The following FYB1 variants were observed in gnomAD, a reference collection of about 807,000 sequenced individuals.
FYB1 encodes the protein FYN binding protein 1.
A neutral mutation model predicts 94.1 loss-of-function variants in FYB1; 41 were observed. The ratio of observed to expected loss-of-function variants is 0.44; its 90% CI spans 0.34 to 0.57. The LOEUF is 0.57. Ranked by LOEUF, FYB1 falls within the 20% of genes least tolerant of loss-of-function variation. The probability of loss-of-function intolerance (pLI) is 0.02; values close to 1 mark genes in which losing one functional copy is unlikely to be tolerated. For synonymous variants in FYB1, 367 were observed against 353.2 expected (o/e 1.04, Z -0.44); for missense variants, 1,050 against 976.8 (o/e 1.07, Z -1.00).
chr5:39,242,800 T>A (rs1295256365), intron 1 of FYB1, among the ~76,000 whole-genome samples: 4 of 152,296 alleles, frequency 2.6e-5, no homozygotes, highest in African/African-American at 4.8e-5. Flanking sequence ...CTCCAGCACC[T>A]GCTGTTTCCT....
At chr5:39,110,934 T>A in intron 16 of FYB1, 1 of 167,748 alleles carries the variant, frequency 6.0e-6, no homozygotes, top group Non-Finnish European at 1.3e-5. Flanking sequence ...TTACTCTGTA[T>A]GGAAGAAATT....
chr5:39,139,110 GA>G, intron 5 of FYB1, 122 bp downstream of exon 5: 2 of 1,041,578 alleles, frequency 1.9e-6, no homozygotes, highest in Non-Finnish European at 2.7e-6. Flanking sequence ...ATTAGAAATG[GA>G]AAAATATCAT....
At chr5:39,149,416 C>T (rs1743052325) in intron 3 of FYB1, among the ~76,000 whole-genome samples, 1 of 152,206 alleles carries the variant, frequency 6.6e-6, no homozygotes. Flanking sequence ...TGCTTGGCTC[C>T]TGCAATTCTC....
At chr5:39,243,404 T>C (rs1751311021) in intron 1 of FYB1, among the ~76,000 whole-genome samples, 1 of 151,692 alleles carries the variant, frequency 6.6e-6, no homozygotes, top group Non-Finnish European at 1.5e-5. Context: ...GGGAATGCTT[T>C]CCCCATTTCT....
upstream of FYB1, among the ~76,000 whole-genome samples, chr5:39,224,442 C>A (rs1750389888): frequency 6.6e-6 from 1 of 152,162 alleles, no homozygotes; most frequent in African/African-American, 2.4e-5. Flanking sequence ...GCAGATGAAG[C>A]TCTGAGGAGT....
intron 1 of FYB1, among the ~76,000 whole-genome samples, chr5:39,248,894 T>A (rs1205495158): frequency 6.6e-6 from 1 of 152,228 alleles, no homozygotes; most frequent in African/African-American, 2.4e-5. Flanking sequence ...AAGATACCAT[T>A]GGTGACAGTC....
At chr5:39,170,367 A>G in intron 2 of FYB1, 1 of 929,380 alleles carries the variant, frequency 1.1e-6, no homozygotes, top group Non-Finnish European at 1.6e-6. Context: ...GGCAAACCTG[A>G]GGACTCTGGG....
intron 1 of FYB1, among the ~76,000 whole-genome samples, chr5:39,273,805 G>A (rs561096303): frequency 6.6e-6 from 1 of 152,166 alleles, no homozygotes; most frequent in South Asian, 2.1e-4. Flanking sequence ...GGTGGCTAGG[G>A]AAAACCAACT....
At chr5:39,128,410 C>G (rs1371511711) in intron 10 of FYB1, among the ~76,000 whole-genome samples, 1 of 152,018 alleles carries the variant, frequency 6.6e-6, no homozygotes, top group Non-Finnish European at 1.5e-5. Flanking sequence ...GTAAAATGAC[C>G]TTGAAATTTG....
intron 1 of FYB1, among the ~76,000 whole-genome samples, chr5:39,267,688 G>C (rs1752490861): frequency 6.6e-6 from 1 of 152,114 alleles, no homozygotes; most frequent in Non-Finnish European, 1.5e-5. Context: ...AATAGGCATG[G>C]GAATACAAAG....
At chr5:39,123,157 G>A (rs1740286301) in intron 13 of FYB1, among the ~76,000 whole-genome samples, 1 of 152,062 alleles carries the variant, frequency 6.6e-6, no homozygotes, top group Non-Finnish European at 1.5e-5. Context: ...TGAAGAAATT[G>A]CAAATATTTT....
intron 2 of FYB1, among the ~76,000 whole-genome samples, chr5:39,167,255 T>TTC (rs879811936): frequency 2.0e-5 from 3 of 151,022 alleles, no homozygotes; most frequent in Non-Finnish European, 4.4e-5. Context: ...TCTTGGGTAG[T>TTC]TCTCTCTCTC....
chr5:39,227,805 G>T lies in FYB1; in HGVS notation c.-27-24818C>A, dbSNP rs80082312. ...AAAAATTTCAACTCCTTAATAACAC[G>T]CATAAAGCTTTCCTTCATCAGGCCT... is the stretch of plus-strand genomic sequence containing the variant. On this transcript the variant is annotated intron_variant, in intron 1 of 1. Coordinates refer to the FYB1 transcript ENST00000510188. 3.8e-3 allele frequency among the ~76,000 whole-genome samples: 571 copies of T among 152,178 alleles called. 30 individuals are homozygous for T. The East Asian group carries it at 0.098, about 26-fold the overall frequency.
chr5:39,188,658 A>G (rs1290039033), intron 2 of FYB1, among the ~76,000 whole-genome samples: 1 of 150,964 alleles, frequency 6.6e-6, no homozygotes, highest in African/African-American at 2.4e-5. Context: ...GACTTTCCCA[A>G]GTAGCTGGGG....
At chr5:39,252,377 T>C (rs922384907) in intron 1 of FYB1, among the ~76,000 whole-genome samples, 1 of 152,208 alleles carries the variant, frequency 6.6e-6, no homozygotes, top group African/African-American at 2.4e-5. Context: ...TACTTGTAGA[T>C]AAAGACTGAA....
intron 10 of FYB1, among the ~76,000 whole-genome samples, chr5:39,129,856 C>A (rs1242261594): frequency 2.0e-5 from 3 of 151,456 alleles, no homozygotes; most frequent in East Asian, 1.9e-4. Context: ...GGAGATTTTT[C>A]AAAAAAACTA....
chr5:39,173,968 A>T lies in FYB1; in HGVS notation c.1136-20364T>A, dbSNP rs149144727. ...GATGAATTTTAGAATAGATTTTTCT[A>T]ATTCTGTGAAAAATGACATTGGCAT... On this transcript the variant is annotated intron_variant, in intron 2 of 18. Transcript: ENST00000512982. Among the ~76,000 whole-genome samples the T allele has an allele frequency of 1.9e-3, 288 of 152,224 alleles. 1 individual carries two copies. Among genetic ancestry groups the T allele is most frequent in the African/African-American group, 6.7e-3 (277 of 41,550 alleles).
chr5:39,220,841 G>T (rs1232467104), upstream of FYB1, among the ~76,000 whole-genome samples: 1 of 152,194 alleles, frequency 6.6e-6, no homozygotes, highest in Non-Finnish European at 1.5e-5. Context: ...GTTTTGTACA[G>T]ACCTCAGGCT....
intron 1 of FYB1, among the ~76,000 whole-genome samples, chr5:39,203,229 T>G (rs1748538768): frequency 6.6e-6 from 1 of 152,230 alleles, no homozygotes; most frequent in African/African-American, 2.4e-5. Flanking sequence ...TGCTTATTTT[T>G]ACTTAAGGAA....
Sources: gnomAD v4.1 joint callset for allele counts (sites outside exome capture counted in the v4.1 genomes callset) on GRCh38, gnomAD v4.1.1 for gene constraint, MANE v1.5 for transcripts, NCBI Gene and HGNC (gene_info 2026-07-23, HGNC 2026-07-21) for gene names.